Variants in LRCH3 observed in about 807,000 individuals in gnomAD.
LRCH3 encodes the protein DISP complex protein LRCH3.
A neutral mutation model predicts 104.5 loss-of-function variants in LRCH3; 68 were observed. The observed-to-expected ratio is 0.65, with a 90% confidence interval of 0.54 to 0.80. LRCH3 has a LOEUF of 0.80. LRCH3 is among the 30% of genes least tolerant of loss of function. LRCH3 has a pLI of 0.00. For synonymous variants in LRCH3, 344 were observed against 361.3 expected (o/e 0.95, Z 0.54); for missense variants, 951 against 953.9 (o/e 1.00, Z 0.04).
Position 197,883,432 on chromosome 3 carries a change from C to T in LRCH3, c.2209-109C>T. On this transcript the variant is annotated intron_variant, in intron 20 of 20. Transcript: ENST00000425562. This position sits in a 1 kb window ranked among gnomAD's most constrained non-coding sequence, Gnocchi z 4.2. Reference sequence around the variant, plus strand: ...GTTTCCCAGGTACTAATTTTCATATCTAAGTTGATGATTGTGAAGGGGAGA... The same window carrying T: ...GTTTCCCAGGTACTAATTTTCATATTTAAGTTGATGATTGTGAAGGGGAGA... The T allele has an allele frequency of 7.1e-7, 1 of 1,406,866 alleles. No individual in the cohort carries two copies. Among genetic ancestry groups the T allele is most frequent in the East Asian group, 2.5e-5 (1 of 39,252 alleles). The allele number at this position is 1,406,866 out of a possible 1,614,324, so 87.1% of individuals were successfully genotyped here. A position where few individuals can be genotyped will look rare whatever the true frequency, so the allele number is the denominator to read the frequency against.
At chr3:197,857,683 T>C (rs1293158613) in intron 14 of LRCH3, among the ~76,000 whole-genome samples, 1 of 152,232 alleles carries the variant, frequency 6.6e-6, no homozygotes, top group Non-Finnish European at 1.5e-5. Context: ...ATATTTGACA[T>C]TGGCAGTAGT....
chr3:197,853,911 A>G (rs1241155413), intron 13 of LRCH3, among the ~76,000 whole-genome samples: 3 of 152,204 alleles, frequency 2.0e-5, no homozygotes, highest in African/African-American at 7.2e-5. Context: ...CTTCTTGATG[A>G]TTGTTTTCAA....
intron 20 of LRCH3, chr3:197,882,493 T>C (rs900735457): frequency 2.1e-6 from 2 of 945,346 alleles, no homozygotes; most frequent in Non-Finnish European, 2.5e-6. Flanking sequence ...TAAAATTTCC[T>C]AGTAATATCG....
At chr3:197,870,868 TTTAC>T (rs537235680) in intron 18 of LRCH3, among the ~76,000 whole-genome samples, 106 of 152,356 alleles carry the variant, frequency 7.0e-4, no homozygotes, top group African/African-American at 2.4e-3. Context: ...TTTTCAGCTA[TTTAC>T]TTAGAAAATG....
intron 1 of LRCH3, among the ~76,000 whole-genome samples, chr3:197,796,688 C>T (rs1442467870): frequency 6.6e-6 from 1 of 152,134 alleles, no homozygotes; most frequent in Non-Finnish European, 1.5e-5. Flanking sequence ...CCCCATTTTA[C>T]GTGTGAGAAA....
At chr3:197,824,821 T>C (rs1283438877) in intron 4 of LRCH3, among the ~76,000 whole-genome samples, 5 of 151,840 alleles carry the variant, frequency 3.3e-5, no homozygotes, top group African/African-American at 7.3e-5. Context: ...TCACCCGCCT[T>C]GGCCTCCCAA....
intron 6 of LRCH3, among the ~76,000 whole-genome samples, chr3:197,830,404 A>T (rs578006294): frequency 6.6e-6 from 1 of 152,324 alleles, no homozygotes; most frequent in East Asian, 1.9e-4. Context: ...AGCAGGATAG[A>T]TGTTTCAGTC....
chr3:197,887,125 ATTTC>A lies in LRCH3; in HGVS notation c.*3463_*3466del, dbSNP rs1331785876. The A allele has an allele frequency of 2.6e-5, 4 of 151,642 alleles. No homozygotes were observed. Among genetic ancestry groups the A allele is most frequent in the Admixed American group, 6.6e-5 (1 of 15,232 alleles). 9.4% of individuals were successfully genotyped at this position (151,642 alleles called of 1,614,324 possible). ...CCTCTGCAGAGGTAGGAAGGTATGAATTTCTTTTTTATGTCAAGATGCAAAAACA... is the reference window on the plus strand; with the variant it reads ...CCTCTGCAGAGGTAGGAAGGTATGAATTTTTTATGTCAAGATGCAAAAACA... On this transcript the variant is annotated 3_prime_UTR_variant, in exon 21 of 21. Transcript: ENST00000425562.
rs765443798 is a variant in LRCH3 at position 197,827,037 on chromosome 3, G to A, written c.777+23G>A. Reference sequence around the variant, plus strand: ...CAGGTAAACCATAGTGGAAGCATCAGGTAAACCATGGTGGAAGCATCAGGT... The same window carrying A: ...CAGGTAAACCATAGTGGAAGCATCAAGTAAACCATGGTGGAAGCATCAGGT... On this transcript the variant is annotated intron_variant, in intron 5 of 20. Coordinates refer to ENST00000425562, the MANE Select transcript of LRCH3 (RefSeq NM_001365715.1). 5 of 1,553,226 alleles carry A rather than the reference G, an allele frequency of 3.2e-6. No individual in the cohort carries two copies. In the South Asian group the frequency reaches 4.8e-5, roughly 15 times the overall value.
rs761199259 is a variant in LRCH3, at chr3:197,827,003, C to G, written c.766C>G (p.Pro256Ala). ...ITLDNNPLQS[P>A]PAQICIKGKV... is the part of the protein sequence containing the mutation. The stretch of plus-strand genomic sequence containing the variant: ...CCTAGATAACAATCCACTACAATCA[C>G]CTCCTGCACAGGTAAACCATAGTGG... Residue 256 changes from proline to alanine, a missense_variant, in exon 5 of 21, where the codon CCT (proline) becomes GCT (alanine). Physicochemically the swap from Pro to Ala is conservative, Grantham distance 27 (BLOSUM62 -1). Transcript: ENST00000425562. 2 of 1,613,848 alleles carry G rather than the reference C, an allele frequency of 1.2e-6. No individual in the cohort carries two copies. The highest frequency in any genetic ancestry group is 2.2e-5 in the South Asian group (2 of 91,052).
chr3:197,832,100 G>T lies in LRCH3; in HGVS notation c.982-97G>T, dbSNP rs923402957. ...AGCTAATTTACTCCTGGCCTCAAGTGATCCTCCTGCTTTGGTCTCCCAAAG... is the reference window on the plus strand; with the variant it reads ...AGCTAATTTACTCCTGGCCTCAAGTTATCCTCCTGCTTTGGTCTCCCAAAG... On this transcript the variant is annotated intron_variant, in intron 7 of 20. Coordinates refer to ENST00000425562, the MANE Select transcript of LRCH3 (RefSeq NM_001365715.1). 10 of 1,284,552 alleles carry T rather than the reference G, an allele frequency of 7.8e-6. No homozygotes were observed. In the Admixed American group the frequency reaches 2.4e-4, roughly 31 times the overall value. The allele number at this position is 1,284,552 out of a possible 1,614,324, so 79.6% of individuals were successfully genotyped here.
At chr3:197,839,247 T>C (rs1178332115) in intron 9 of LRCH3, 74 bp from the exon 10 acceptor site, 3 of 907,822 alleles carry the variant, frequency 3.3e-6, no homozygotes, top group East Asian at 2.8e-5. Flanking sequence ...AAATGACAAA[T>C]TGGATGTGAA....
chr3:197,863,481 A>G (rs2109478216), intron 15 of LRCH3, among the ~76,000 whole-genome samples: 1 of 152,132 alleles, frequency 6.6e-6, no homozygotes, highest in South Asian at 2.1e-4. Flanking sequence ...GGATGGTCTC[A>G]ATCTCTTGAC....
chr3:197,810,768 CT>C lies in LRCH3; in HGVS notation c.263-4138del, dbSNP rs1733032439. Among the ~76,000 whole-genome samples the C allele has an allele frequency of 6.6e-6, 1 of 151,910 alleles. No individual in the cohort carries two copies. Among genetic ancestry groups the C allele is most frequent in the Non-Finnish European group, 1.5e-5 (1 of 67,996 alleles). ...AAAGGAAAAAGTACATTTGTTTCATCTTCCCAGAAGCGGAAGTCACTAAAAT... is the reference window on the plus strand; with the variant it reads ...AAAGGAAAAAGTACATTTGTTTCATCTCCCAGAAGCGGAAGTCACTAAAAT... On this transcript the variant is annotated intron_variant, in intron 1 of 20. Coordinates refer to ENST00000425562, the MANE Select transcript of LRCH3 (RefSeq NM_001365715.1). This position sits in a 1 kb window ranked among gnomAD's most constrained non-coding sequence, Gnocchi z 4.0.
chr3:197,821,835 A>C (rs946851671), intron 4 of LRCH3, among the ~76,000 whole-genome samples: 1 of 151,972 alleles, frequency 6.6e-6, no homozygotes, highest in Non-Finnish European at 1.5e-5. Context: ...CCACCATGTC[A>C]CCTACTTTTT....
chr3:197,884,905 GC>G lies in LRCH3; in HGVS notation c.*1241del, dbSNP rs1418057982. ...TGGGATTACTGGAGTGAGCCATCGG[GC>G]CTGGCCCAGATTTTGCATAGTAAAA... On this transcript the variant is annotated 3_prime_UTR_variant, in exon 21 of 21. Transcript: ENST00000425562. 1 of 152,190 alleles carries G rather than the reference GC, an allele frequency of 6.6e-6. No individual in the cohort carries two copies. Among genetic ancestry groups the G allele is most frequent in the Non-Finnish European group, 1.5e-5 (1 of 68,096 alleles). The allele number at this position is 152,190 out of a possible 1,614,324, so 9.4% of individuals were successfully genotyped here. A position where few individuals can be genotyped will look rare whatever the true frequency, so the allele number is the denominator to read the frequency against.
chr3:197,825,009 C>T (rs1223079844), intron 4 of LRCH3, among the ~76,000 whole-genome samples: 1 of 152,196 alleles, frequency 6.6e-6, no homozygotes, highest in African/African-American at 2.4e-5. Context: ...ATTTTTGAGA[C>T]TTCACTGGAA....
chr3:197,840,831 A>G (rs1002324498), intron 10 of LRCH3, among the ~76,000 whole-genome samples: 2 of 152,216 alleles, frequency 1.3e-5, no homozygotes, highest in Non-Finnish European at 1.5e-5. Flanking sequence ...TTCAGTTGCC[A>G]CGTGTCCTTT....
intron 9 of LRCH3, among the ~76,000 whole-genome samples, chr3:197,836,912 G>A (rs557726218): frequency 7.5e-4 from 114 of 152,024 alleles, no homozygotes; most frequent in African/African-American, 2.5e-3. Flanking sequence ...TCCTGACCTC[G>A]GGTGATCTGC....
Sources: allele counts gnomAD v4.1 joint callset (sites outside exome capture counted in the v4.1 genomes callset), GRCh38; gene constraint gnomAD v4.1.1; non-coding constraint Gnocchi (gnomAD v3.1); transcripts MANE v1.5; gene names NCBI Gene and HGNC (gene_info 2026-07-23, HGNC 2026-07-21).